The following CWC27 variants were observed in gnomAD, a reference collection of about 807,000 sequenced individuals.
CWC27 encodes the protein spliceosome-associated protein CWC27 homolog.
CWC27 carries 47 observed loss-of-function variants against 63.6 expected under a neutral mutation model. That is an observed-to-expected ratio of 0.74 (90% CI 0.58 to 0.94). The LOEUF is 0.94. CWC27 is among the 40% of genes least tolerant of loss of function. CWC27 has a pLI of 0.00. For synonymous variants in CWC27, 175 were observed against 179.8 expected (o/e 0.97, Z 0.22); for missense variants, 495 against 554.3 (o/e 0.89, Z 1.07).
chr5:64,942,933 T>C (rs900682994), intron 11 of CWC27, among the ~76,000 whole-genome samples: 11 of 152,160 alleles, frequency 7.2e-5, no homozygotes, highest in African/African-American at 2.7e-4. Flanking sequence ...TACTCAGGTA[T>C]ACAAAAATGA....
intron 10 of CWC27, among the ~76,000 whole-genome samples, chr5:64,858,323 G>T (rs1221843423): frequency 2.0e-5 from 3 of 148,956 alleles, no homozygotes; most frequent in Non-Finnish European, 3.0e-5. Context: ...TTAGCAGGGC[G>T]TGGTGGCGGA....
intron 11 of CWC27, among the ~76,000 whole-genome samples, chr5:64,917,979 A>G (rs952388016): frequency 6.6e-6 from 1 of 152,118 alleles, no homozygotes; most frequent in Admixed American, 6.6e-5. Context: ...CATTGGTTGT[A>G]TATCTGGAGA....
intron 10 of CWC27, chr5:64,807,927 A>G: frequency 1.4e-6 from 2 of 1,429,764 alleles, no homozygotes; most frequent in Non-Finnish European, 1.8e-6. Flanking sequence ...AATACATATC[A>G]TCTAGCTTCT....
intron 11 of CWC27, among the ~76,000 whole-genome samples, chr5:64,933,315 A>G (rs1748276388): frequency 6.6e-6 from 1 of 152,192 alleles, no homozygotes; most frequent in Non-Finnish European, 1.5e-5. Context: ...TTTCCACACT[A>G]TTCAATCCAG....
At chr5:64,889,221 AG>A (rs1747161678) in intron 11 of CWC27, among the ~76,000 whole-genome samples, 3 of 152,176 alleles carry the variant, frequency 2.0e-5, no homozygotes, top group Admixed American at 6.5e-5. Flanking sequence ...ACAAAAAAAA[AG>A]GATATTAGTG....
At chr5:64,904,928 C>T (rs1272399206) in intron 11 of CWC27, among the ~76,000 whole-genome samples, 1 of 152,148 alleles carries the variant, frequency 6.6e-6, no homozygotes, top group East Asian at 1.9e-4. Flanking sequence ...GGGCCAGGCA[C>T]AGTGGCTCAT....
At chr5:64,883,703 G>A (rs924875880) in intron 10 of CWC27, among the ~76,000 whole-genome samples, 1 of 152,164 alleles carries the variant, frequency 6.6e-6, no homozygotes, top group Non-Finnish European at 1.5e-5. Context: ...CTGTAAGAGG[G>A]ATAGATTGCA....
chr5:64,993,105 C>T (rs1391350984), intron 13 of CWC27, among the ~76,000 whole-genome samples: 1 of 152,078 alleles, frequency 6.6e-6, no homozygotes, highest in Non-Finnish European at 1.5e-5. Flanking sequence ...ATATCTACCT[C>T]AGAGTTATTA....
intron 11 of CWC27, among the ~76,000 whole-genome samples, chr5:64,949,492 T>A (rs1561167695): frequency 6.6e-6 from 1 of 151,960 alleles, no homozygotes; most frequent in Non-Finnish European, 1.5e-5. Context: ...TAATCTCAAA[T>A]CCTGCCAATA....
At chr5:64,919,755 A>G (rs1747961157) in intron 11 of CWC27, among the ~76,000 whole-genome samples, 1 of 152,216 alleles carries the variant, frequency 6.6e-6, no homozygotes, top group Admixed American at 6.5e-5. Context: ...ACAGTCCACC[A>G]TTAATGGGCA....
intron 10 of CWC27, chr5:64,808,339 T>C (rs1432600983): frequency 2.0e-6 from 2 of 988,746 alleles, no homozygotes; most frequent in African/African-American, 1.7e-5. Flanking sequence ...GTTGGTACTA[T>C]ATTCCCTGAC....
chr5:64,925,609 T>C (rs377180419), intron 11 of CWC27, among the ~76,000 whole-genome samples: 1 of 152,154 alleles, frequency 6.6e-6, no homozygotes, highest in Non-Finnish European at 1.5e-5. Context: ...AAGCCAAAGA[T>C]AGAGGCAGCA....
intron 10 of CWC27, among the ~76,000 whole-genome samples, chr5:64,849,737 C>G (rs1746084647): frequency 6.6e-6 from 1 of 151,920 alleles, no homozygotes; most frequent in African/African-American, 2.4e-5. Context: ...GAGGTTTTGC[C>G]CATGCTGTTC....
At chr5:64,831,504 AGATAGAT>A (rs1745518563) in intron 10 of CWC27, among the ~76,000 whole-genome samples, 1 of 151,848 alleles carries the variant, frequency 6.6e-6, no homozygotes, top group South Asian at 2.1e-4. Context: ...ATAGATAGAT[AGATAGAT>A]AGACAGACAC....
At position 64,840,386 on chromosome 5, in the gene CWC27, A is replaced by ATATAT. The variant is rs1337676548; in HGVS notation, c.938+36000_938+36001insTATAT. 4.6e-4 allele frequency among the ~76,000 whole-genome samples: 26 copies of ATATAT among 56,854 alleles called. 1 individual carries two copies. The highest frequency in any genetic ancestry group is 1.2e-3 in the South Asian group (2 of 1,704). 37.3% of individuals were successfully genotyped at this position (56,854 alleles called of 152,430 possible). On this transcript the variant is annotated intron_variant, in intron 10 of 13. Transcript: ENST00000381070. ...TTAAAAAAAAAAAAAAAAAAAAAAA[A>ATATAT]AAAAAAAAATATATATATATATATA... is the stretch of plus-strand genomic sequence containing the variant.
chr5:64,821,536 T>C (rs992480207), intron 10 of CWC27, among the ~76,000 whole-genome samples: 3 of 152,156 alleles, frequency 2.0e-5, no homozygotes, highest in African/African-American at 7.2e-5. Context: ...GAAAAGAAAG[T>C]TTAAGGCATA....
chr5:64,971,567 G>A (rs565065128), intron 11 of CWC27, 136 bp from the exon 12 acceptor site: 28 of 569,594 alleles, frequency 4.9e-5, no homozygotes, highest in African/African-American at 4.3e-4. Flanking sequence ...GGGCTTACAG[G>A]TTTTCTTTTG....
chr5:64,921,248 A>G (rs1213924073), intron 11 of CWC27, among the ~76,000 whole-genome samples: 1 of 152,096 alleles, frequency 6.6e-6, no homozygotes, highest in African/African-American at 2.4e-5. Flanking sequence ...TATGGTTTTG[A>G]TACATCTTGG....
chr5:64,985,337 A>G (rs1749404808), intron 13 of CWC27, among the ~76,000 whole-genome samples: 1 of 152,108 alleles, frequency 6.6e-6, no homozygotes, highest in Admixed American at 6.6e-5. Context: ...TTTGAATTTC[A>G]TTACGTTTAT....
Sources: allele counts gnomAD v4.1 joint callset (sites outside exome capture counted in the v4.1 genomes callset), GRCh38; gene constraint gnomAD v4.1.1; transcripts MANE v1.5; gene names NCBI Gene and HGNC (gene_info 2026-07-23, HGNC 2026-07-21).